The following PCDH7 variants were observed in gnomAD, a reference collection of about 807,000 sequenced individuals.
PCDH7 encodes protocadherin 7, also known as protocadherin-7.
A neutral mutation model predicts 58.9 loss-of-function variants in PCDH7; 17 were observed. That is an observed-to-expected ratio of 0.29 (90% CI 0.20 to 0.43). The LOEUF (loss-of-function observed/expected upper bound fraction) is 0.43. PCDH7 is among the 20% of genes least tolerant of loss of function. The pLI, the probability that PCDH7 is intolerant of heterozygous loss-of-function variation, is 1.00. For missense variants in PCDH7, 1,274 were observed against 1,441.0 expected, an observed-to-expected ratio of 0.88 and a Z score of 1.88; for synonymous variants, 664 against 616.4, an observed-to-expected ratio of 1.08 and a Z score of -1.14.
At chr4:30,736,531 A>AT (rs1560314766), downstream of PCDH7, among the ~76,000 whole-genome samples, 2 of 130,124 alleles carry the variant, frequency 1.5e-5, no homozygotes, top group Admixed American at 8.0e-5. Flanking sequence ...ATTTATTTTC[A>AT]TTTATTTTTT....
At chr4:31,108,967 G>A (rs1715945337) in intron 3 of PCDH7, among the ~76,000 whole-genome samples, 1 of 152,040 alleles carries the variant, frequency 6.6e-6, no homozygotes, top group Non-Finnish European at 1.5e-5. Context: ...GGTCCACTAG[G>A]GGTTGTGTTG....
intron 2 of PCDH7, among the ~76,000 whole-genome samples, chr4:30,930,354 G>T (rs919289091): frequency 1.3e-5 from 2 of 152,212 alleles, no homozygotes; most frequent in Admixed American, 6.5e-5. Flanking sequence ...ATTTTCCTTG[G>T]AATGATTCTG....
At position 30,723,497 on chromosome 4, in the gene PCDH7, G is replaced by T. The variant is rs545430343; in HGVS notation, c.2075G>T (p.Gly692Val). ...ATTTTTTCTATTGAAAATGACACGG[G>T]GACCATTTACTCCACAATGTCTTTT... Residue 692 changes from glycine (G) to valine (V), a missense_variant, in exon 1 of 2, where the codon GGG becomes GTG. Transcript: ENST00000361762. This position sits in a 1 kb window ranked among gnomAD's most constrained non-coding sequence, Gnocchi z 4.6. 1.2e-6 allele frequency: 2 copies of T among 1,614,014 alleles called. No homozygotes were observed. Among genetic ancestry groups the T allele is most frequent in the Admixed American group, 1.7e-5 (1 of 60,000 alleles).
chr4:30,939,061 A>G (rs1745718778), intron 2 of PCDH7, among the ~76,000 whole-genome samples: 1 of 152,096 alleles, frequency 6.6e-6, no homozygotes, highest in Non-Finnish European at 1.5e-5. Flanking sequence ...CTTTACACCT[A>G]AAGCTCTAAT....
chr4:30,724,856 T>C, intron 1 of PCDH7: 1 of 1,282,088 alleles, frequency 7.8e-7, no homozygotes. Flanking sequence ...GCAGTTCTCT[T>C]TGCACTTGAC....
At chr4:30,982,967 G>T (rs897089174) in intron 3 of PCDH7, among the ~76,000 whole-genome samples, 1 of 152,262 alleles carries the variant, frequency 6.6e-6, no homozygotes, top group East Asian at 1.9e-4. Flanking sequence ...CTGCAGTTGG[G>T]ATCTGACAGA....
intron 1 of PCDH7, among the ~76,000 whole-genome samples, chr4:30,893,029 A>G (rs1738824818): frequency 6.6e-6 from 1 of 152,082 alleles, no homozygotes; most frequent in Non-Finnish European, 1.5e-5. Context: ...TCTGACTGTC[A>G]TATTGGAGTG....
At chr4:31,077,409 CAAA>C (rs36096768) in intron 3 of PCDH7, among the ~76,000 whole-genome samples, 1 of 87,978 alleles carries the variant, frequency 1.1e-5, no homozygotes, top group African/African-American at 4.2e-5. Flanking sequence ...AACTCCATCT[CAAA>C]AAAAAAAAAA....
At chr4:30,834,443 G>A (rs977322512) in intron 1 of PCDH7, among the ~76,000 whole-genome samples, 2 of 152,076 alleles carry the variant, frequency 1.3e-5, no homozygotes, top group Non-Finnish European at 2.9e-5. Flanking sequence ...AACGTCACAC[G>A]GCTGTTGCAT....
At chr4:31,132,441 A>G (rs145503378) in intron 3 of PCDH7, among the ~76,000 whole-genome samples, 119 of 152,244 alleles carry the variant, frequency 7.8e-4, no homozygotes, top group African/African-American at 2.7e-3. Flanking sequence ...TGAAGGCAAT[A>G]TTAATATTTA....
chr4:31,030,483 A>G (rs1408161317), intron 3 of PCDH7, among the ~76,000 whole-genome samples: 1 of 152,226 alleles, frequency 6.6e-6, no homozygotes, highest in East Asian at 1.9e-4. Flanking sequence ...TTTGTTCTCC[A>G]AATTGTGTCT....
chr4:30,841,012 A>G (rs1350416275), intron 1 of PCDH7, among the ~76,000 whole-genome samples: 2 of 151,876 alleles, frequency 1.3e-5, no homozygotes, highest in East Asian at 3.9e-4. Flanking sequence ...AATGACAACT[A>G]AAAAATACAC....
At chr4:30,910,633 G>T (rs147263414) in intron 1 of PCDH7, among the ~76,000 whole-genome samples, 1 of 152,072 alleles carries the variant, frequency 6.6e-6, no homozygotes, top group East Asian at 1.9e-4. Context: ...AGTTAGAATG[G>T]TGATCATTAA....
chr4:30,804,043 C>T (rs895410838), intron 1 of PCDH7, among the ~76,000 whole-genome samples: 2 of 152,152 alleles, frequency 1.3e-5, no homozygotes, highest in Admixed American at 1.3e-4. Context: ...ATGGCCTAAT[C>T]GCCTCCTAAA....
chr4:30,902,665 A>G, intron 1 of PCDH7, among the ~76,000 whole-genome samples: 1 of 140,332 alleles, frequency 7.1e-6, no homozygotes, highest in East Asian at 1.9e-4. Context: ...AAATGCCCAT[A>G]TCTATAAACT....
intron 1 of PCDH7, among the ~76,000 whole-genome samples, chr4:30,889,147 A>AAAAAAAAAAAAAAAAAAAAAAAAC (rs1738258831): frequency 6.6e-6 from 1 of 151,012 alleles, no homozygotes; most frequent in Non-Finnish European, 1.5e-5. Context: ...CAAAAAAAAA[A>AAAAAAAAAAAAAAAAAAAAAAAAC]AAAAAAAAAG....
chr4:30,902,469 A>G (rs1359153975), intron 1 of PCDH7, among the ~76,000 whole-genome samples: 1 of 152,148 alleles, frequency 6.6e-6, no homozygotes, highest in Non-Finnish European at 1.5e-5. Context: ...GCTTAATTAC[A>G]TGCTTTATTA....
intron 1 of PCDH7, among the ~76,000 whole-genome samples, chr4:30,896,889 CTTTTTTTTTTTTTTT>C (rs71190474): frequency 4.0e-4 from 11 of 27,338 alleles, no homozygotes; most frequent in African/African-American, 9.4e-4. Context: ...TAGTTCTTTG[CTTTTTTTTTTTTTTT>C]TTTTTTTTTT....
intron 3 of PCDH7, among the ~76,000 whole-genome samples, chr4:30,960,112 G>A (rs868101006): frequency 0.026 from 1,677 of 65,626 alleles, 54 homozygotes; most frequent in Middle Eastern, 0.039. Context: ...AAAGGAAGGA[G>A]GGAAGGAAGG....
Sources: gnomAD v4.1 joint callset for allele counts (sites outside exome capture counted in the v4.1 genomes callset) on GRCh38, gnomAD v4.1.1 for gene constraint, Gnocchi (gnomAD v3.1) non-coding constraint, MANE v1.5 for transcripts, NCBI Gene and HGNC (gene_info 2026-07-23, HGNC 2026-07-21) for gene names.